Variants in DPP10 observed in about 807,000 individuals in gnomAD.
DPP10 encodes inactive dipeptidyl peptidase 10.
In DPP10, 33 loss-of-function variants were observed where a neutral mutation model predicts 120.9. That is an observed-to-expected ratio of 0.27 (90% CI 0.21 to 0.37). DPP10 has a LOEUF of 0.37. Among genes scored for constraint, DPP10 ranks in the 10% least tolerant of loss-of-function variants. The pLI is 1.00. For missense variants in DPP10, 816 were observed against 942.8 expected (o/e 0.87, Z 1.76); for synonymous variants, 337 against 326.1 (o/e 1.03, Z -0.36).
intron 2 of DPP10, among the ~76,000 whole-genome samples, chr2:115,331,211 G>C (rs548962700): frequency 5.3e-5 from 8 of 152,274 alleles, no homozygotes; most frequent in Admixed American, 1.3e-4. Flanking sequence ...GTTCACTCAT[G>C]ATTTGGCTCT....
Position 115,315,276 on chromosome 2 carries a change from T to TAC in DPP10, c.175+5941_175+5942dup, listed in dbSNP as rs138469343. ...ACACACACACATGCACACACACACA[T>TAC]ACACACACACACACACACATACATC... On this transcript the variant is annotated intron_variant, in intron 2 of 25. Transcript: ENST00000410059. 7.1e-3 allele frequency among the ~76,000 whole-genome samples: 1,052 copies of TAC among 147,878 alleles called. 4 individuals are homozygous for TAC. The highest frequency in any genetic ancestry group is 8.1e-3 in the African/African-American group (327 of 40,578).
chr2:114,798,222 T>C (rs538529695), intron 1 of DPP10, among the ~76,000 whole-genome samples: 2 of 152,098 alleles, frequency 1.3e-5, no homozygotes, highest in African/African-American at 4.8e-5. Flanking sequence ...GGAGCATTCA[T>C]GGAAAAATTA....
chr2:115,356,562 T>C (rs912592150), intron 3 of DPP10, among the ~76,000 whole-genome samples: 12 of 152,120 alleles, frequency 7.9e-5, no homozygotes, highest in African/African-American at 2.7e-4. Context: ...TCTTGCCTGA[T>C]TGCCCTGGCC....
chr2:115,421,724 A>T (rs2069977251), intron 3 of DPP10, among the ~76,000 whole-genome samples: 1 of 151,866 alleles, frequency 6.6e-6, no homozygotes, highest in African/African-American at 2.4e-5. Flanking sequence ...TACAAAAATT[A>T]ACTGGCAGTG....
chr2:114,531,492 C>T (rs1685978278), intron 1 of DPP10, among the ~76,000 whole-genome samples: 1 of 148,528 alleles, frequency 6.7e-6, no homozygotes, highest in Admixed American at 6.8e-5. Flanking sequence ...TATATCTCTC[C>T]CTATATATAT....
intron 1 of DPP10, among the ~76,000 whole-genome samples, chr2:114,485,150 T>C (rs1249534346): frequency 6.6e-6 from 1 of 152,144 alleles, no homozygotes; most frequent in East Asian, 1.9e-4. Flanking sequence ...TAATTGGAAT[T>C]ATAACTTGAA....
intron 1 of DPP10, among the ~76,000 whole-genome samples, chr2:114,552,938 T>A (rs1203219720): frequency 6.6e-6 from 1 of 152,188 alleles, no homozygotes; most frequent in Non-Finnish European, 1.5e-5. Flanking sequence ...TTAAATAGAC[T>A]TTTTCCTGTT....
intron 1 of DPP10, among the ~76,000 whole-genome samples, chr2:115,017,296 A>T (rs1167448355): frequency 6.6e-6 from 1 of 152,070 alleles, no homozygotes; most frequent in Non-Finnish European, 1.5e-5. Context: ...ATCAAAACCA[A>T]AATGAGATAC....
At chr2:115,210,393 G>A (rs1168395499) in intron 1 of DPP10, among the ~76,000 whole-genome samples, 1 of 152,122 alleles carries the variant, frequency 6.6e-6, no homozygotes, top group African/African-American at 2.4e-5. Flanking sequence ...GTGTATATGT[G>A]CCACATTTTC....
At chr2:114,921,355 T>C (rs1695183912) in intron 1 of DPP10, among the ~76,000 whole-genome samples, 2 of 152,160 alleles carry the variant, frequency 1.3e-5, no homozygotes, top group Admixed American at 6.5e-5. Flanking sequence ...TAAAGAACCA[T>C]CATACATTTC....
At chr2:115,006,028 A>G (rs969054705) in intron 1 of DPP10, among the ~76,000 whole-genome samples, 112 of 152,182 alleles carry the variant, frequency 7.4e-4, no homozygotes, top group Non-Finnish European at 1.2e-3. Context: ...CTTGGCAGAA[A>G]CCCTACAAGC....
At chr2:115,469,884 G>GAAAAAAAAAAAAAA (rs1212190142) in intron 3 of DPP10, among the ~76,000 whole-genome samples, 1 of 75,564 alleles carries the variant, frequency 1.3e-5, no homozygotes, top group African/African-American at 5.0e-5. Context: ...GGCAACAAGA[G>GAAAAAAAAAAAAAA]AAAAAAAAAA....
rs554707690 is a variant in DPP10 at position 115,766,432 on chromosome 2, C to A, written c.1114-1865C>A. 6.7e-5 allele frequency among the ~76,000 whole-genome samples: 10 copies of A among 149,760 alleles called. No individual in the cohort carries two copies. In the East Asian group the frequency reaches 1.8e-3, roughly 27 times the overall value. On this transcript the variant is annotated intron_variant, in intron 12 of 25. Coordinates refer to ENST00000410059, the MANE Select transcript of DPP10 (RefSeq NM_020868.6). ...CAATTAATTTTGCACCAATCTCATA[C>A]ATACATTTATATACAGTATGTACAT...
intron 1 of DPP10, among the ~76,000 whole-genome samples, chr2:115,302,900 G>C (rs1010732281): frequency 6.6e-6 from 1 of 152,062 alleles, no homozygotes; most frequent in Non-Finnish European, 1.5e-5. Flanking sequence ...AATGGCATGA[G>C]AGCAATGAGC....
chr2:115,366,292 A>G (rs1221929659), intron 3 of DPP10, among the ~76,000 whole-genome samples: 1 of 151,942 alleles, frequency 6.6e-6, no homozygotes, highest in African/African-American at 2.4e-5. Flanking sequence ...AATTTACCTT[A>G]CATTACTTAT....
chr2:114,493,971 A>G (rs567344480), intron 1 of DPP10, among the ~76,000 whole-genome samples: 2 of 152,164 alleles, frequency 1.3e-5, no homozygotes, highest in Admixed American at 1.3e-4. Context: ...AAATATTTTC[A>G]TTTATGTTTC....
At chr2:114,507,910 T>C (rs555644486) in intron 1 of DPP10, among the ~76,000 whole-genome samples, 59 of 152,348 alleles carry the variant, frequency 3.9e-4, no homozygotes, top group Non-Finnish European at 5.3e-4. Context: ...TAATCATGTA[T>C]CCATAAGCAT....
At chr2:114,461,526 T>G in intron 1 of DPP10, 1 of 953,048 alleles carries the variant, frequency 1.0e-6, no homozygotes, top group Non-Finnish European at 1.2e-6. Context: ...CACACTCTCT[T>G]GCCTCCAATA....
chr2:115,257,155 T>A (rs2059038176), intron 1 of DPP10, among the ~76,000 whole-genome samples: 1 of 152,222 alleles, frequency 6.6e-6, no homozygotes, highest in Admixed American at 6.5e-5. Flanking sequence ...CGTTTCCTTA[T>A]CTTCCTGTTT....
Sources: allele counts gnomAD v4.1 joint callset (sites outside exome capture counted in the v4.1 genomes callset), GRCh38; gene constraint gnomAD v4.1.1; transcripts MANE v1.5; gene names NCBI Gene and HGNC (gene_info 2026-07-23, HGNC 2026-07-21).